ERBB4: variants seen among roughly 807,000 people sequenced by gnomAD.
ERBB4 encodes erb-b2 receptor tyrosine kinase 4, also known as receptor tyrosine-protein kinase erbB-4.
In ERBB4, 42 loss-of-function variants were observed where a neutral mutation model predicts 158.0. The observed-to-expected ratio is 0.27, with a 90% CI of 0.21 to 0.34. The LOEUF (loss-of-function observed/expected upper bound fraction) is 0.34. Among genes scored for constraint, ERBB4 ranks in the 10% least tolerant of loss-of-function variants. ERBB4 has a pLI of 1.00. For missense variants in ERBB4, 1,333 were observed against 1,624.1 expected (o/e 0.82, Z 3.08); for synonymous variants, 583 against 558.7 (o/e 1.04, Z -0.61).
intron 20 of ERBB4, among the ~76,000 whole-genome samples, chr2:211,558,618 A>G (rs975703121): frequency 6.6e-6 from 1 of 152,134 alleles, no homozygotes; most frequent in Non-Finnish European, 1.5e-5. Flanking sequence ...AAATATAGTA[A>G]TTATTAATAC....
intron 1 of ERBB4, among the ~76,000 whole-genome samples, chr2:212,138,168 C>A (rs941410641): frequency 6.6e-6 from 1 of 152,056 alleles, no homozygotes; most frequent in Non-Finnish European, 1.5e-5. Flanking sequence ...ATAAGACCCA[C>A]AATCAAAGTC....
At position 211,721,443 on chromosome 2, in the gene ERBB4, C is replaced by CAAAAAAAAAAAAAAAAAAAAAA. The variant is rs71054136; in HGVS notation, c.883+928_883+949dup. On this transcript the variant is annotated intron_variant, in intron 7 of 27. Coordinates refer to ENST00000342788, the MANE Select transcript of ERBB4 (RefSeq NM_005235.3). ...GAAATGTCCCATTGGTTACTCAAAG[C>CAAAAAAAAAAAAAAAAAAAAAA]AAAAAAAAAAAAAAAAAAAAAATAG... Among the ~76,000 whole-genome samples, 6 of 54,492 alleles carry CAAAAAAAAAAAAAAAAAAAAAA rather than the reference C, an allele frequency of 1.1e-4. 1 individual carries two copies. The highest frequency in any genetic ancestry group is 8.6e-4 in the Admixed American group (3 of 3,492). The allele number at this position is 54,492 out of a possible 152,430, so 35.7% of individuals were successfully genotyped here.
chr2:212,006,793 G>T (rs1051884553), intron 2 of ERBB4, among the ~76,000 whole-genome samples: 3 of 151,708 alleles, frequency 2.0e-5, no homozygotes, highest in Non-Finnish European at 2.9e-5. Context: ...GTATCTTGCC[G>T]GTTTAAAAAA....
chr2:212,158,257 G>A (rs534242427), intron 1 of ERBB4, among the ~76,000 whole-genome samples: 1 of 152,096 alleles, frequency 6.6e-6, no homozygotes, highest in South Asian at 2.1e-4. Context: ...CACACATGCT[G>A]AAGCTTTTTA....
At chr2:211,536,696 C>G (rs1000924094) in intron 20 of ERBB4, among the ~76,000 whole-genome samples, 1 of 151,888 alleles carries the variant, frequency 6.6e-6, no homozygotes, top group African/African-American at 2.4e-5. Flanking sequence ...AGCAAGTCAT[C>G]GAAGAATGGG....
intron 9 of ERBB4, among the ~76,000 whole-genome samples, chr2:211,706,146 C>T (rs1471201969): frequency 6.6e-6 from 1 of 151,762 alleles, no homozygotes; most frequent in Non-Finnish European, 1.5e-5. Context: ...TAATATATAC[C>T]ATTTACAGAG....
chr2:212,017,148 T>C (rs2076547222), intron 2 of ERBB4, among the ~76,000 whole-genome samples: 1 of 152,194 alleles, frequency 6.6e-6, no homozygotes, highest in Middle Eastern at 3.2e-3. Flanking sequence ...GCTGCACTTG[T>C]ATTTTCAAAC....
chr2:212,386,331 C>A (rs1185237869), intron 1 of ERBB4, among the ~76,000 whole-genome samples: 2 of 151,842 alleles, frequency 1.3e-5, no homozygotes, highest in East Asian at 3.9e-4. Flanking sequence ...ACTAACTTAT[C>A]ACATACATCC....
chr2:212,401,619 A>T (rs1239080922), intron 1 of ERBB4, among the ~76,000 whole-genome samples: 2 of 152,198 alleles, frequency 1.3e-5, no homozygotes, highest in East Asian at 3.8e-4. Context: ...AAGTATTTAT[A>T]ATAATAAATG....
At chr2:212,376,842 T>C (rs542168939) in intron 1 of ERBB4, among the ~76,000 whole-genome samples, 10 of 152,022 alleles carry the variant, frequency 6.6e-5, no homozygotes, top group Admixed American at 1.3e-4. Context: ...AATTTCATTT[T>C]TCCATGAAAG....
At chr2:212,077,992 G>T (rs1233951436) in intron 2 of ERBB4, among the ~76,000 whole-genome samples, 1 of 151,816 alleles carries the variant, frequency 6.6e-6, no homozygotes, top group Non-Finnish European at 1.5e-5. Flanking sequence ...CTTGACTAAG[G>T]CTAATATAAG....
At chr2:211,502,537 T>A (rs2065642686) in intron 20 of ERBB4, among the ~76,000 whole-genome samples, 1 of 152,158 alleles carries the variant, frequency 6.6e-6, no homozygotes, top group Non-Finnish European at 1.5e-5. Context: ...AAGCAAGGCC[T>A]CCATGAACAT....
intron 3 of ERBB4, among the ~76,000 whole-genome samples, chr2:211,861,048 TTTATATATATATAA>T (rs1559585395): frequency 0.051 from 489 of 9,500 alleles, 90 homozygotes; most frequent in Non-Finnish European, 0.075. Flanking sequence ...TATTTATATA[TTTATATATATATAA>T]ATATAATATA....
chr2:211,415,185 C>T (rs1403392741), intron 25 of ERBB4, among the ~76,000 whole-genome samples: 21 of 140,310 alleles, frequency 1.5e-4, no homozygotes, highest in African/African-American at 4.7e-4. Context: ...GGCGCGACCT[C>T]GGCTCACTGC....
chr2:211,547,146 T>C (rs752334851), intron 20 of ERBB4, among the ~76,000 whole-genome samples: 1 of 152,128 alleles, frequency 6.6e-6, no homozygotes, highest in Non-Finnish European at 1.5e-5. Flanking sequence ...GCACTTATAG[T>C]TATACAAGAT....
chr2:212,099,213 T>C (rs1321341354), intron 2 of ERBB4, among the ~76,000 whole-genome samples: 2 of 151,538 alleles, frequency 1.3e-5, no homozygotes, highest in African/African-American at 4.8e-5. Context: ...ATCATGCCAC[T>C]GCACTGCAGC....
chr2:211,921,764 A>C (rs1249810674), intron 3 of ERBB4, among the ~76,000 whole-genome samples: 1 of 151,716 alleles, frequency 6.6e-6, no homozygotes, highest in African/African-American at 2.4e-5. Flanking sequence ...AAATGATGAG[A>C]AGGAAGTAGT....
At chr2:211,714,193 A>T (rs560524534) in intron 7 of ERBB4, among the ~76,000 whole-genome samples, 1 of 152,374 alleles carries the variant, frequency 6.6e-6, no homozygotes, top group South Asian at 2.1e-4. Flanking sequence ...AGGTATATCA[A>T]ATAGACAAGG....
intron 2 of ERBB4, among the ~76,000 whole-genome samples, chr2:211,953,793 A>G (rs185881011): frequency 6.6e-6 from 1 of 152,190 alleles, no homozygotes; most frequent in Admixed American, 6.6e-5. Context: ...TGATGATAGA[A>G]ATCAAAAGAT....
Sources: gnomAD v4.1 joint callset for allele counts (sites outside exome capture counted in the v4.1 genomes callset) on GRCh38, gnomAD v4.1.1 for gene constraint, MANE v1.5 for transcripts, NCBI Gene and HGNC (gene_info 2026-07-23, HGNC 2026-07-21) for gene names.